The following SLC4A4 variants were observed in gnomAD, a reference collection of about 807,000 sequenced individuals.
The protein encoded by SLC4A4 is solute carrier family 4 member 4, also known as electrogenic sodium bicarbonate cotransporter 1.
In SLC4A4, 27 loss-of-function variants were observed where a neutral mutation model predicts 111.5. The ratio of observed to expected loss-of-function variants is 0.24; its 90% CI spans 0.18 to 0.33. SLC4A4 has a LOEUF of 0.33. SLC4A4 is among the 10% of genes least tolerant of loss of function. The pLI, the probability that SLC4A4 is intolerant of heterozygous loss-of-function variation, is 1.00. For synonymous variants in SLC4A4, 443 were observed against 463.4 expected (o/e 0.96, Z 0.57); for missense variants, 909 against 1,315.5 (o/e 0.69, Z 4.78).
intron 1 of SLC4A4, among the ~76,000 whole-genome samples, chr4:71,219,064 A>G (rs1718590863): frequency 6.6e-6 from 1 of 152,154 alleles, no homozygotes; most frequent in Non-Finnish European, 1.5e-5. Context: ...TTCTGCAGAA[A>G]CATCACAAGA....
rs78981309 is a variant in SLC4A4 at position 71,364,766 on chromosome 4, A to G, written c.730+7579A>G. Among the ~76,000 whole-genome samples, 70 of 152,354 alleles carry G rather than the reference A, an allele frequency of 4.6e-4. 3 individuals are homozygous for G. The East Asian group carries it at 7.7e-3, about 17-fold the overall frequency. ...TTCAGATCCTAGCACACTGTAAGGA[A>G]CAATTATTATCCAGAAATATTTTAG... is the stretch of plus-strand genomic sequence containing the variant. On this transcript the variant is annotated intron_variant, in intron 6 of 25. Transcript: ENST00000264485.
Position 71,203,236 on chromosome 4 carries a change from C to T in SLC4A4, c.-2+15835C>T, listed in dbSNP as rs540854875. 1.3e-3 allele frequency among the ~76,000 whole-genome samples: 202 copies of T among 152,194 alleles called. 1 individual carries two copies. Among genetic ancestry groups the T allele is most frequent in the Non-Finnish European group, 2.5e-3 (172 of 67,978 alleles). On this transcript the variant is annotated intron_variant, in intron 1 of 25. Transcript: ENST00000264485. ...TTTAGGGGATTAAAATACATAAACC[C>T]TCTTTTTAGAGAAACATTGTTGAGC...
intron 5 of SLC4A4, 74 bp from the exon 6 acceptor site, chr4:71,356,934 A>G: frequency 7.2e-7 from 1 of 1,387,410 alleles, no homozygotes; most frequent in Non-Finnish European, 1.0e-6. Context: ...GGTGACATCC[A>G]TAAAGTTAGA....
chr4:71,227,995 G>A (rs1021453619), intron 1 of SLC4A4, among the ~76,000 whole-genome samples: 3 of 152,176 alleles, frequency 2.0e-5, no homozygotes, highest in African/African-American at 7.2e-5. Context: ...GGAAGCACGT[G>A]AAATGGTCCA....
chr4:71,091,228 G>A (rs28548074), intron 1 of SLC4A4, among the ~76,000 whole-genome samples: 13,899 of 151,352 alleles, frequency 0.092, 789 homozygotes, highest in African/African-American at 0.16. Flanking sequence ...GTTTACAGGC[G>A]TGAGCCACTG....
intron 18 of SLC4A4, among the ~76,000 whole-genome samples, chr4:71,537,316 T>A (rs1445462166): frequency 6.6e-6 from 1 of 152,084 alleles, no homozygotes; most frequent in African/African-American, 2.4e-5. Context: ...TATACACATA[T>A]GTCTACATAT....
chr4:71,434,088 A>T (rs1723890382), intron 7 of SLC4A4, among the ~76,000 whole-genome samples: 1 of 152,076 alleles, frequency 6.6e-6, no homozygotes, highest in African/African-American at 2.4e-5. Flanking sequence ...ATTTTACATG[A>T]TAATTATAAA....
At chr4:71,159,232 C>G (rs1181120428) in intron 2 of SLC4A4, among the ~76,000 whole-genome samples, 4 of 152,066 alleles carry the variant, frequency 2.6e-5, no homozygotes. Context: ...ATGGATAGAC[C>G]ATAGAGTTTT....
intron 3 of SLC4A4, among the ~76,000 whole-genome samples, chr4:71,308,756 T>C (rs1725899367): frequency 1.3e-5 from 2 of 152,180 alleles, no homozygotes; most frequent in South Asian, 2.1e-4. Context: ...ACCAGGGCTC[T>C]GGGTTTCAAG....
chr4:71,143,359 T>G (rs1277136351), intron 2 of SLC4A4, among the ~76,000 whole-genome samples: 4 of 152,196 alleles, frequency 2.6e-5, no homozygotes, highest in Admixed American at 1.3e-4. Context: ...TGTTGGACAT[T>G]TGGGTTGGTT....
intron 2 of SLC4A4, among the ~76,000 whole-genome samples, chr4:71,248,149 C>G (rs1248649579): frequency 6.6e-6 from 1 of 151,986 alleles, no homozygotes; most frequent in Non-Finnish European, 1.5e-5. Flanking sequence ...ACTCTTTTGC[C>G]CTCCTCTAGG....
At chr4:71,553,713 A>C (rs555658183) in intron 20 of SLC4A4, among the ~76,000 whole-genome samples, 11 of 151,882 alleles carry the variant, frequency 7.2e-5, no homozygotes, top group Non-Finnish European at 1.5e-4. Context: ...ACATTTATAC[A>C]CAAGAATCAC....
At chr4:71,475,200 G>A (rs981860299) in intron 14 of SLC4A4, among the ~76,000 whole-genome samples, 1 of 151,726 alleles carries the variant, frequency 6.6e-6, no homozygotes. Context: ...GAAGCCAGAT[G>A]TGGGCTTTGT....
intron 2 of SLC4A4, among the ~76,000 whole-genome samples, chr4:71,155,308 A>G (rs1057316135): frequency 3.3e-5 from 5 of 152,100 alleles, no homozygotes; most frequent in Admixed American, 6.6e-5. Context: ...GTGGAATTTG[A>G]ATTAAGGTAT....
At chr4:71,535,527 T>A (rs1397721259) in intron 18 of SLC4A4, among the ~76,000 whole-genome samples, 2 of 152,154 alleles carry the variant, frequency 1.3e-5, no homozygotes, top group African/African-American at 2.4e-5. Context: ...ATTGATGAAC[T>A]GGTCCAAAGC....
chr4:71,328,669 T>G (rs1727700317), intron 3 of SLC4A4, among the ~76,000 whole-genome samples: 2 of 152,246 alleles, frequency 1.3e-5, no homozygotes, highest in Admixed American at 1.3e-4. Flanking sequence ...ACTAGATTAT[T>G]AGATTTTTCC....
rs529451895 is a variant in SLC4A4, at chr4:71,133,483, G to A, written c.-2+40691G>A. ...GAGTCAGCCAAGGGTGCCTTGGTTGGCAGGATTCCCAGGTTCTTCTCTGTG... is the reference window on the plus strand; with the variant it reads ...GAGTCAGCCAAGGGTGCCTTGGTTGACAGGATTCCCAGGTTCTTCTCTGTG... On this transcript the variant is annotated intron_variant, in intron 2 of 26. Coordinates refer to the SLC4A4 transcript ENST00000649996. Among the ~76,000 whole-genome samples the A allele has an allele frequency of 1.1e-3, 175 of 152,310 alleles. 1 individual carries two copies. The highest frequency in any genetic ancestry group is 1.0e-2 in the South Asian group (48 of 4,820).
chr4:71,261,530 C>T (rs1344099911), intron 3 of SLC4A4, among the ~76,000 whole-genome samples: 1 of 152,142 alleles, frequency 6.6e-6, no homozygotes, highest in Non-Finnish European at 1.5e-5. Flanking sequence ...GTTGGCTCAA[C>T]AATGTTGTGT....
At chr4:71,515,769 G>A (rs1001661601) in intron 16 of SLC4A4, among the ~76,000 whole-genome samples, 4 of 151,904 alleles carry the variant, frequency 2.6e-5, no homozygotes, top group Non-Finnish European at 4.4e-5. Flanking sequence ...TTTATCTTAC[G>A]TAAGTATAGC....
Sources: gnomAD v4.1 joint callset for allele counts (sites outside exome capture counted in the v4.1 genomes callset) on GRCh38, gnomAD v4.1.1 for gene constraint, MANE v1.5 for transcripts, NCBI Gene and HGNC (gene_info 2026-07-23, HGNC 2026-07-21) for gene names.